DAAM2: variants seen among roughly 807,000 people sequenced by gnomAD.
DAAM2 encodes the protein dishevelled associated activator of morphogenesis 2.
In DAAM2, 39 loss-of-function variants were observed where a neutral mutation model predicts 120.7. That is an observed-to-expected ratio of 0.32 (90% CI 0.25 to 0.42). The LOEUF is 0.42. DAAM2 is among the 10% of genes least tolerant of loss of function. DAAM2 has a pLI of 1.00. For synonymous variants in DAAM2, 488 were observed against 524.9 expected, an observed-to-expected ratio of 0.93 and a Z score of 0.96; for missense variants, 1,283 against 1,401.7, an observed-to-expected ratio of 0.92 and a Z score of 1.35.
chr6:39,845,416 ACACCACACACT>A (rs1763544811), intron 1 of DAAM2, among the ~76,000 whole-genome samples: 1 of 150,646 alleles, frequency 6.6e-6, no homozygotes, highest in African/African-American at 2.4e-5. Flanking sequence ...CTACCTACAC[ACACCACACACT>A]CACCACACAC....
intron 3 of DAAM2, 108 bp from the exon 4 acceptor site, chr6:39,864,325 G>A (rs1178394856): frequency 7.5e-6 from 6 of 800,804 alleles, no homozygotes; most frequent in Non-Finnish European, 1.2e-5. Context: ...ACCCGACATG[G>A]GCAGAGCTGA....
intron 1 of DAAM2, among the ~76,000 whole-genome samples, chr6:39,845,655 CCT>C (rs1452755892): frequency 2.6e-5 from 4 of 151,980 alleles, no homozygotes; most frequent in Admixed American, 2.6e-4. Context: ...TCTCCTCCTC[CCT>C]CTCTCTTCCT....
Position 39,856,254 on chromosome 6 carries a change from T to C in DAAM2, c.-49T>C, listed in dbSNP as rs1195101860. 7.1e-7 allele frequency: 1 copy of C among 1,408,248 alleles called. No individual in the cohort carries two copies. The highest frequency in any genetic ancestry group is 9.3e-7 in the Non-Finnish European group (1 of 1,078,374). The allele number at this position is 1,408,248 out of a possible 1,614,324, so 87.2% of individuals were successfully genotyped here. On this transcript the variant is annotated 5_prime_UTR_variant, in exon 2 of 25. An upstream start codon of the reference 5' UTR is lost. Coordinates refer to ENST00000274867, the MANE Select transcript of DAAM2 (RefSeq NM_001201427.2). ...TTCTCTCCTCTTGTCCAGATCACAA[T>C]GAGGACCTAGGGCATCTGTCTGCTG...
chr6:39,853,368 C>T (rs1437857347), intron 1 of DAAM2, among the ~76,000 whole-genome samples: 4 of 152,124 alleles, frequency 2.6e-5, no homozygotes, highest in Non-Finnish European at 5.9e-5. Flanking sequence ...TACATGCAGC[C>T]CCTCAAAAAG....
At chr6:39,869,004 T>A in intron 7 of DAAM2, 71 bp downstream of exon 7, 1 of 1,129,722 alleles carries the variant, frequency 8.9e-7, no homozygotes, top group South Asian at 1.3e-5. Context: ...GTGAGTGTGT[T>A]GCTTCCCCAA....
chr6:39,810,375 A>C (rs1762126365), intron 1 of DAAM2, among the ~76,000 whole-genome samples: 1 of 152,184 alleles, frequency 6.6e-6, no homozygotes, highest in Admixed American at 6.5e-5. Context: ...AACAAACAAA[A>C]ACCTATGTAA....
intron 1 of DAAM2, among the ~76,000 whole-genome samples, chr6:39,840,703 T>A (rs944776741): frequency 3.9e-5 from 6 of 151,958 alleles, no homozygotes; most frequent in Non-Finnish European, 8.8e-5. Flanking sequence ...AGGCCAGACA[T>A]CCAGGGTCTG....
chr6:39,853,602 C>A (rs186096572), intron 1 of DAAM2, among the ~76,000 whole-genome samples: 14 of 152,334 alleles, frequency 9.2e-5, no homozygotes, highest in Non-Finnish European at 1.3e-4. Context: ...TGCCAAGGTG[C>A]ACCAGCTATA....
intron 19 of DAAM2, among the ~76,000 whole-genome samples, chr6:39,895,230 A>ATTTATTTATTTATTTAT (rs1766003718): frequency 1.6e-5 from 2 of 126,218 alleles, no homozygotes; most frequent in African/African-American, 8.1e-5. Context: ...TTATTTACTT[A>ATTTATTTATTTATTTAT]TTTATTTATT....
chr6:39,901,925 CTGGGGAGGTCTT>C lies in DAAM2; in HGVS notation c.3096_3107del (p.Gly1033_Phe1036del), dbSNP rs1355422409. 2 of 1,611,458 alleles carry C rather than the reference CTGGGGAGGTCTT, an allele frequency of 1.2e-6. No homozygotes were observed. The highest frequency in any genetic ancestry group is 1.7e-6 in the Non-Finnish European group (2 of 1,178,020). ...GATGACCTGGTGTCGGCCCTGCGCT[CTGGGGAGGTCTT>C]CGACAAGGACTTATGCAAGCTCAAG... is the stretch of plus-strand genomic sequence containing the variant. On this transcript the variant is annotated inframe_deletion, in exon 25 of 25. Transcript: ENST00000274867. The surrounding 1 kb of genome is among the most constrained non-coding windows in gnomAD (Gnocchi z 4.5).
rs181881663 is a variant in DAAM2 at position 39,822,219 on chromosome 6, A to G, written c.-57+29754A>G. On this transcript the variant is annotated intron_variant, in intron 1 of 24. Coordinates refer to ENST00000274867, the MANE Select transcript of DAAM2 (RefSeq NM_001201427.2). ...CCCCGTCCCATTTCCTGTGGCATGGACACAGGTGAGCTTCCTGGCCTTGAA... is the reference window on the plus strand; with the variant it reads ...CCCCGTCCCATTTCCTGTGGCATGGGCACAGGTGAGCTTCCTGGCCTTGAA... The G allele has an allele frequency of 6.0e-3, 908 of 152,424 alleles. 10 individuals are homozygous for G. Among genetic ancestry groups the G allele is most frequent in the Middle Eastern group, 0.024 (7 of 296 alleles). 9.4% of individuals were successfully genotyped at this position (152,424 alleles called of 1,614,324 possible).
At chr6:39,815,472 G>T (rs1762279450) in intron 1 of DAAM2, among the ~76,000 whole-genome samples, 1 of 152,054 alleles carries the variant, frequency 6.6e-6, no homozygotes, top group Non-Finnish European at 1.5e-5. Flanking sequence ...AATAACCATG[G>T]TATTCCCCAT....
At chr6:39,834,967 C>T (rs1763050611) in intron 1 of DAAM2, among the ~76,000 whole-genome samples, 1 of 152,210 alleles carries the variant, frequency 6.6e-6, no homozygotes, top group East Asian at 1.9e-4. Flanking sequence ...TCCTCCTTGT[C>T]AATAGCCAGC....
chr6:39,804,678 C>G (rs1051408588), intron 1 of DAAM2, among the ~76,000 whole-genome samples: 5 of 152,178 alleles, frequency 3.3e-5, no homozygotes, highest in African/African-American at 1.2e-4. Context: ...CAGCCTTCCT[C>G]TAATTAGCTG....
At chr6:39,827,973 A>G (rs1468798479) in intron 1 of DAAM2, among the ~76,000 whole-genome samples, 1 of 151,826 alleles carries the variant, frequency 6.6e-6, no homozygotes, top group African/African-American at 2.4e-5. Flanking sequence ...AAATCACCAC[A>G]CCTACAAAGT....
At chr6:39,888,525 GTCTAA>G in intron 16 of DAAM2, 149 bp from the exon 17 acceptor site, 1 of 575,540 alleles carries the variant, frequency 1.7e-6, no homozygotes, top group Non-Finnish European at 3.1e-6. Flanking sequence ...AATCATACTA[GTCTAA>G]TCTAAGAAGG....
At chr6:39,813,222 G>A (rs1762216449) in intron 1 of DAAM2, among the ~76,000 whole-genome samples, 1 of 152,084 alleles carries the variant, frequency 6.6e-6, no homozygotes, top group South Asian at 2.1e-4. Context: ...GCCACTTTCT[G>A]TGCAGTTCCT....
At chr6:39,818,714 T>C (rs913515125) in intron 1 of DAAM2, 2 of 152,242 alleles carry the variant, frequency 1.3e-5, no homozygotes, top group African/African-American at 4.8e-5. Flanking sequence ...GTAATTGAAG[T>C]ATGCCTTGCA....
intron 1 of DAAM2, chr6:39,819,353 A>C (rs560177137): frequency 6.8e-4 from 103 of 152,356 alleles, no homozygotes; most frequent in African/African-American, 2.4e-3. Flanking sequence ...TTCAAAGGGC[A>C]GAGTCACAAG....
Sources: gnomAD v4.1 joint callset for allele counts (sites outside exome capture counted in the v4.1 genomes callset) on GRCh38, gnomAD v4.1.1 for gene constraint, Gnocchi (gnomAD v3.1) non-coding constraint, MANE v1.5 for transcripts, NCBI Gene and HGNC (gene_info 2026-07-23, HGNC 2026-07-21) for gene names.